Variants in LCT observed in about 807,000 individuals in gnomAD.
LCT encodes the protein lactase, also known as lactase/phlorizin hydrolase.
Under a neutral mutation model 173.0 loss-of-function variants are expected in LCT, and 90 were observed. That is an observed-to-expected ratio of 0.52 (90% confidence interval 0.44 to 0.62). The LOEUF (loss-of-function observed/expected upper bound fraction) is 0.62. Among genes scored for constraint, LCT ranks in the 20% least tolerant of loss-of-function variants. The pLI is 0.00. For synonymous variants in LCT, 853 were observed against 957.6 expected, an observed-to-expected ratio of 0.89 and a Z score of 2.02; for missense variants, 1,864 against 2,431.4, an observed-to-expected ratio of 0.77 and a Z score of 4.91.
In LCT at chr2:135,812,907, T is replaced by C. The variant is rs76067360; in HGVS notation, c.1757A>G (p.Asn586Ser). 6.2e-7 allele frequency: 1 copy of C among 1,614,162 alleles called. No individual in the cohort carries two copies. Among genetic ancestry groups the C allele is most frequent in the Admixed American group, 1.7e-5 (1 of 60,002 alleles). ...CTGCTGCTGTGGGCGATGATGGCTG[T>C]TGTAGTGGTGCCAAGTTCTGGCATG... ...KAHARTWHHY[N>S]SHHRPQQQGH... The change falls in exon 7 of 17, where the codon AAC becomes AGC. Residue 586 changes from asparagine to serine, a missense_variant. Physicochemically the swap from Asn to Ser is conservative, Grantham distance 46. Around this residue, in one of 4 missense-constraint regions of LCT, gnomAD observed 183 missense variants for 293.1 expected, o/e 0.62. Transcript: ENST00000264162.
intron 10 of LCT, 26 bp from the exon 11 acceptor site, chr2:135,804,154 G>T (rs780278483): frequency 1.9e-6 from 3 of 1,588,402 alleles, no homozygotes; most frequent in Non-Finnish European, 2.6e-6. Context: ...ATCAGCTGTT[G>T]CATCAGTCAT....
chr2:135,836,717 G>T lies in LCT; in HGVS notation c.453C>A (p.Phe151Leu). 1 of 1,614,172 alleles carries T rather than the reference G, an allele frequency of 6.2e-7. No homozygotes were observed. Among genetic ancestry groups the T allele is most frequent in the African/African-American group, 1.3e-5 (1 of 75,038 alleles). Residue 151 changes from phenylalanine (F) to leucine (L), a missense_variant, in exon 1 of 17, where the codon TTC becomes TTA. This residue lies in a region of LCT where 412 missense variants were observed against 462.0 expected (regional missense o/e 0.89). Transcript: ENST00000264162. ...GGAAGGCGAATGTGGCATAGTCGGC[G>T]AAGAGGTCAGCAAAGGCTTCGGTTC... ...LRRTEAFADL[F>L]ADYATFAFHS...
At position 135,822,078 on chromosome 2, in the gene LCT, G is replaced by A. The variant is rs771272642; in HGVS notation, c.928C>T (p.Leu310Phe). The change falls in exon 5 of 17, where the codon CTC becomes TTC. Residue 310 changes from leucine (L) to phenylalanine (F), a missense_variant. Leu to Phe is a conservative substitution (Grantham distance 22). This residue lies in a region of LCT where 412 missense variants were observed against 462.0 expected (regional missense o/e 0.89). Transcript: ENST00000264162. ...LFEAINKDQV[L>F]TIGFDINEFL... The stretch of plus-strand genomic sequence containing the variant: ...TCATTAATATCAAACCCAATGGTGA[G>A]CACTTGGTCTTTATTTATGGCTGTA... The A allele has an allele frequency of 1.7e-5, 27 of 1,602,468 alleles. No individual in the cohort carries two copies. The highest frequency in any genetic ancestry group is 2.7e-5 in the African/African-American group (2 of 74,664).
Position 135,794,836 on chromosome 2 carries a change from C to T in LCT, c.4977-61G>A, listed in dbSNP as rs558175493. 402 of 1,600,200 alleles carry T rather than the reference C, an allele frequency of 2.5e-4. 1 individual carries two copies. The African/African-American group carries it at 4.7e-3, about 19-fold the overall frequency. On this transcript the variant is annotated intron_variant, in intron 13 of 16. Coordinates refer to ENST00000264162, the MANE Select transcript of LCT (RefSeq NM_002299.4). ...GGAGAGCCATGCTTTGAGAAGAGAACGTCATAGGGCTGGGGCGGGGGAGCT... is the reference window on the plus strand; with the variant it reads ...GGAGAGCCATGCTTTGAGAAGAGAATGTCATAGGGCTGGGGCGGGGGAGCT...
At chr2:135,827,961 C>A (rs573735615) in intron 3 of LCT, among the ~76,000 whole-genome samples, 3 of 152,316 alleles carry the variant, frequency 2.0e-5, no homozygotes, top group East Asian at 3.9e-4. Flanking sequence ...AAGCACTCTG[C>A]CTCAGGTAAA....
chr2:135,792,112 C>T (rs867912739), intron 14 of LCT, among the ~76,000 whole-genome samples: 23 of 152,224 alleles, frequency 1.5e-4, no homozygotes, highest in Non-Finnish European at 2.5e-4. Context: ...AACACACATC[C>T]TCTCTGGGGA....
intron 1 of LCT, among the ~76,000 whole-genome samples, chr2:135,834,787 C>CAAAAAACAAAAAA (rs2077971282): frequency 2.9e-5 from 1 of 34,166 alleles, no homozygotes; most frequent in Non-Finnish European, 5.0e-5. Flanking sequence ...GACTCCATCT[C>CAAAAAACAAAAAA]AAAAAAAAAA....
intron 2 of LCT, among the ~76,000 whole-genome samples, chr2:135,830,554 T>C (rs76066051): frequency 6.6e-6 from 1 of 152,208 alleles, no homozygotes; most frequent in Non-Finnish European, 1.5e-5. Flanking sequence ...TAGTGTTCCA[T>C]TATGGGAATG....
chr2:135,790,669 T>G lies in LCT; in HGVS notation c.5324A>C (p.Glu1775Ala). ...CGGGCCCGTCGTACCTTTGAGGGCC[T>G]CATTGATGTAAGTCCGAAGGTAGTA... ...RIYYLRTYIN[E>A]ALKAVQDKVD... The change falls in exon 15 of 17, where the codon GAG becomes GCG. Residue 1775 changes from glutamate (E) to alanine (A), a missense_variant. Coordinates refer to ENST00000264162, the MANE Select transcript of LCT (RefSeq NM_002299.4). The surrounding 1 kb of genome is among the most constrained non-coding windows in gnomAD (Gnocchi z 4.1). 6.2e-7 allele frequency: 1 copy of G among 1,609,800 alleles called. No individual in the cohort carries two copies. Among genetic ancestry groups the G allele is most frequent in the Non-Finnish European group, 8.5e-7 (1 of 1,177,248 alleles).
chr2:135,795,034 C>CGT (rs70973482), intron 13 of LCT, among the ~76,000 whole-genome samples: 1 of 948 alleles, frequency 1.1e-3, no homozygotes, highest in Admixed American at 0.019. Context: ...CACGCACCCA[C>CGT]GCGCGCGCGC....
chr2:135,788,297 C>T lies in LCT; in HGVS notation c.*27G>A. 1 of 1,539,722 alleles carries T rather than the reference C, an allele frequency of 6.5e-7. No homozygotes were observed. Among genetic ancestry groups the T allele is most frequent in the South Asian group, 1.1e-5 (1 of 89,598 alleles). On this transcript the variant is annotated 3_prime_UTR_variant, in exon 17 of 17. Transcript: ENST00000264162. Reference sequence around the variant, plus strand: ...AACATAGATGAAGAAACTAGGCCTGCTTCATAGAACTTGAGGTGGTAACTC... The same window carrying T: ...AACATAGATGAAGAAACTAGGCCTGTTTCATAGAACTTGAGGTGGTAACTC...
At chr2:135,823,560 G>C (rs1375088360) in intron 4 of LCT, among the ~76,000 whole-genome samples, 2 of 152,192 alleles carry the variant, frequency 1.3e-5, no homozygotes, top group African/African-American at 4.8e-5. Context: ...GGAAAGCCCT[G>C]CCAAGAGGAG....
At chr2:135,804,729 T>G in intron 10 of LCT, 38 bp downstream of exon 10, 1 of 1,598,372 alleles carries the variant, frequency 6.3e-7, no homozygotes, top group Admixed American at 1.7e-5. Flanking sequence ...GGTTCCTGCA[T>G]GTGGACTTTC....
chr2:135,789,656 T>C lies in LCT; in HGVS notation c.5478A>G (p.Ala1826=), dbSNP rs907290618. ...SDPSLPRIPK[A]SAKFYASVVR... ...CCACAGAGGCGTAGAACTTCGCTGATGCTTTGGGGATCCTTGGCAGAGAAG... is the reference window on the plus strand; with the variant it reads ...CCACAGAGGCGTAGAACTTCGCTGACGCTTTGGGGATCCTTGGCAGAGAAG... Residue 1826 remains alanine, a synonymous_variant, in exon 16 of 17, where the codon GCA becomes GCG. Coordinates refer to ENST00000264162, the MANE Select transcript of LCT (RefSeq NM_002299.4). 1 of 1,614,178 alleles carries C rather than the reference T, an allele frequency of 6.2e-7. No homozygotes were observed. The highest frequency in any genetic ancestry group is 1.7e-5 in the Admixed American group (1 of 60,026).
intron 4 of LCT, 30 bp from the exon 5 acceptor site, chr2:135,822,128 T>C (rs762439276): frequency 3.9e-6 from 5 of 1,276,168 alleles, no homozygotes; most frequent in East Asian, 2.3e-5. Context: ...ATTAACTCTA[T>C]GTAAATGCCA....
intron 12 of LCT, among the ~76,000 whole-genome samples, chr2:135,799,751 G>A (rs935363620): frequency 2.0e-5 from 3 of 152,142 alleles, no homozygotes; most frequent in African/African-American, 7.2e-5. Flanking sequence ...TGCCCAGTCG[G>A]CTTCCTAGTA....
Position 135,788,193 on chromosome 2 carries a change from C to G in LCT, c.*131G>C. The G allele has an allele frequency of 2.7e-6, 2 of 738,948 alleles. No homozygotes were observed. The highest frequency in any genetic ancestry group is 4.8e-6 in the Non-Finnish European group (2 of 414,348). The allele number at this position is 738,948 out of a possible 1,614,324, so 45.8% of individuals were successfully genotyped here. ...CGAAATCATTCAAGATTAAAGTCAT[C>G]TCTAACGGTGCAGCAGGACTTTATG... On this transcript the variant is annotated 3_prime_UTR_variant, in exon 17 of 17. Coordinates refer to ENST00000264162, the MANE Select transcript of LCT (RefSeq NM_002299.4).
At chr2:135,816,528 A>C (rs2077782465) in intron 6 of LCT, among the ~76,000 whole-genome samples, 1 of 152,212 alleles carries the variant, frequency 6.6e-6, no homozygotes, top group South Asian at 2.1e-4. Context: ...CAGGAGAGGA[A>C]CTGGGTCCTG....
intron 9 of LCT, among the ~76,000 whole-genome samples, chr2:135,806,918 GAC>G (rs1324974648): frequency 6.6e-6 from 1 of 152,234 alleles, no homozygotes; most frequent in African/African-American, 2.4e-5. Context: ...CCCATCTCAG[GAC>G]AGCGAGCCTC....
Sources: allele counts gnomAD v4.1 joint callset (sites outside exome capture counted in the v4.1 genomes callset), GRCh38; gene constraint gnomAD v4.1.1; regional missense constraint gnomAD v4.1.1; non-coding constraint Gnocchi (gnomAD v3.1); transcripts MANE v1.5; gene names NCBI Gene and HGNC (gene_info 2026-07-23, HGNC 2026-07-21).